The following TRPC7 variants were observed in gnomAD, a reference collection of about 807,000 sequenced individuals.
The protein encoded by TRPC7 is short transient receptor potential channel 7.
In TRPC7, 42 loss-of-function variants were observed where a neutral mutation model predicts 90.1. The observed-to-expected ratio is 0.47, with a 90% CI of 0.36 to 0.60. The LOEUF (loss-of-function observed/expected upper bound fraction) is 0.60, where lower values mean the gene tolerates loss of function less well. TRPC7 is among the 20% of genes least tolerant of loss of function. The pLI is 0.00. For missense variants in TRPC7, 955 were observed against 1,112.3 expected, an observed-to-expected ratio of 0.86 and a Z score of 2.01; for synonymous variants, 451 against 436.3, an observed-to-expected ratio of 1.03 and a Z score of -0.42.
chr5:136,356,727 C>T lies in TRPC7; in HGVS notation c.661G>A (p.Ala221Thr). Residue 221 changes from alanine (A) to threonine (T), a missense_variant, in exon 2 of 12, where the codon GCC becomes ACC. Transcript: ENST00000513104. ...SFSHSRSRMN[A>T]YKGLASAAYL... ...GCAGCACTCGCCAGTCCTTTGTAGG[C>T]GTTCATGCGCGAGCGCGAGTGGCTG... is the stretch of plus-strand genomic sequence containing the variant. 1 of 1,612,082 alleles carries T rather than the reference C, an allele frequency of 6.2e-7. No individual in the cohort carries two copies. The highest frequency in any genetic ancestry group is 8.5e-7 in the Non-Finnish European group (1 of 1,178,772).
chr5:136,308,803 C>A (rs1262583471), intron 3 of TRPC7, among the ~76,000 whole-genome samples: 1 of 152,202 alleles, frequency 6.6e-6, no homozygotes, highest in Non-Finnish European at 1.5e-5. Flanking sequence ...TCCCTGCAGG[C>A]CAGCAGACTG....
At chr5:136,301,461 A>G (rs1758383644) in intron 3 of TRPC7, among the ~76,000 whole-genome samples, 1 of 151,052 alleles carries the variant, frequency 6.6e-6, no homozygotes, top group African/African-American at 2.4e-5. Flanking sequence ...CTGAAGATCC[A>G]CAAAAGAAGT....
rs116498357 is a variant in TRPC7 at position 136,331,911 on chromosome 5, C to G, written c.781-16132G>C. Among the ~76,000 whole-genome samples the G allele has an allele frequency of 1.1e-3, 162 of 152,272 alleles. 1 individual carries two copies. The highest frequency in any genetic ancestry group is 2.0e-3 in the Non-Finnish European group (137 of 68,004). On this transcript the variant is annotated intron_variant, in intron 2 of 11. Transcript: ENST00000513104. ...CAACCATGAGCAGAATGGACAGTCC[C>G]TACTCTCATGGAGCTTATATTTTAT... is the stretch of plus-strand genomic sequence containing the variant.
intron 3 of TRPC7, among the ~76,000 whole-genome samples, chr5:136,283,136 C>A (rs767333784): frequency 2.6e-5 from 4 of 152,196 alleles, no homozygotes; most frequent in Non-Finnish European, 5.9e-5. Context: ...AGTTTTCTGC[C>A]CTCTGCTGTG....
rs904841475 is a variant in TRPC7, at chr5:136,213,275, G to A, written c.*160C>T. On this transcript the variant is annotated 3_prime_UTR_variant, in exon 12 of 12. Coordinates refer to ENST00000513104, the MANE Select transcript of TRPC7 (RefSeq NM_020389.3). ...CAGTTCTGGGTCTAGGCAGGCCAGCGGGCTGGAGATGTCAGTCATGCTGCA... is the reference window on the plus strand; with the variant it reads ...CAGTTCTGGGTCTAGGCAGGCCAGCAGGCTGGAGATGTCAGTCATGCTGCA... 20 of 728,770 alleles carry A rather than the reference G, an allele frequency of 2.7e-5. No homozygotes were observed. Among genetic ancestry groups the A allele is most frequent in the African/African-American group, 8.9e-5 (5 of 55,984 alleles). The allele number at this position is 728,770 out of a possible 1,614,324, so 45.1% of individuals were successfully genotyped here. A position where few individuals can be genotyped will look rare whatever the true frequency, so the allele number is the denominator to read the frequency against.
Position 136,215,489 on chromosome 5 carries a change from A to AT in TRPC7, c.2419+710dup, listed in dbSNP as rs201774914. 7.1e-3 allele frequency among the ~76,000 whole-genome samples: 1,075 copies of AT among 152,238 alleles called. 17 individuals are homozygous for AT. Among genetic ancestry groups the AT allele is most frequent in the African/African-American group, 0.025 (1,025 of 41,550 alleles). On this transcript the variant is annotated intron_variant, in intron 11 of 11. Coordinates refer to ENST00000513104, the MANE Select transcript of TRPC7 (RefSeq NM_020389.3). ...CCTTAACAGAAGGAGATTATTCTGG[A>AT]TTGTCCTGGTGGAACCAATTCAATC...
intron 10 of TRPC7, among the ~76,000 whole-genome samples, chr5:136,221,133 G>A (rs1755449518): frequency 6.6e-6 from 1 of 151,868 alleles, no homozygotes; most frequent in African/African-American, 2.4e-5. Flanking sequence ...GTGTGTGTGT[G>A]TGTATGTTTT....
intron 10 of TRPC7, among the ~76,000 whole-genome samples, chr5:136,216,854 G>T (rs1431338497): frequency 6.6e-6 from 1 of 152,190 alleles, no homozygotes; most frequent in South Asian, 2.1e-4. Context: ...GGGCCTCTGG[G>T]GTTTTACAGA....
chr5:136,259,364 A>C (rs1310316762), intron 5 of TRPC7, among the ~76,000 whole-genome samples: 1 of 152,230 alleles, frequency 6.6e-6, no homozygotes, highest in Non-Finnish European at 1.5e-5. Flanking sequence ...CCCACTTAAC[A>C]GACATTGTTG....
chr5:136,306,417 C>T (rs1049664158), intron 3 of TRPC7, among the ~76,000 whole-genome samples: 8 of 152,332 alleles, frequency 5.3e-5, no homozygotes, highest in Middle Eastern at 3.4e-3. Flanking sequence ...ATCTCTCCCA[C>T]TTTAGTTGCC....
At chr5:136,227,525 G>T (rs1160359962) in intron 8 of TRPC7, among the ~76,000 whole-genome samples, 1 of 152,094 alleles carries the variant, frequency 6.6e-6, no homozygotes, top group Non-Finnish European at 1.5e-5. Flanking sequence ...GTTATAATCA[G>T]CAGGGTTGAC....
chr5:136,279,216 A>G (rs1366926560), intron 3 of TRPC7, among the ~76,000 whole-genome samples: 3 of 152,112 alleles, frequency 2.0e-5, no homozygotes, highest in Admixed American at 6.5e-5. Context: ...CTAGACCAAG[A>G]GAGATTACTT....
Position 136,356,735 on chromosome 5 carries a change from C to T in TRPC7, c.653G>A (p.Arg218His), listed in dbSNP as rs1429016496. The stretch of plus-strand genomic sequence containing the variant: ...CGCCAGTCCTTTGTAGGCGTTCATG[C>T]GCGAGCGCGAGTGGCTGAAGGAGTC... ...RKDSFSHSRS[R>H]MNAYKGLASA... is the part of the protein sequence containing the mutation. The change falls in exon 2 of 12, where the codon CGC becomes CAC. Residue 218 changes from arginine (R) to histidine (H), a missense_variant. Arg to His is a conservative substitution (Grantham distance 29, BLOSUM62 0). Around this residue, in one of 4 missense-constraint regions of TRPC7, gnomAD observed 484 missense variants for 509.6 expected, o/e 0.95. Transcript: ENST00000513104. 3 of 1,612,200 alleles carry T rather than the reference C, an allele frequency of 1.9e-6. No homozygotes were observed. The highest frequency in any genetic ancestry group is 1.7e-5 in the Admixed American group (1 of 59,828).
At chr5:136,295,909 G>A (rs150394421) in intron 3 of TRPC7, among the ~76,000 whole-genome samples, 7 of 152,212 alleles carry the variant, frequency 4.6e-5, no homozygotes, top group African/African-American at 1.4e-4. Context: ...CACCTCTAAC[G>A]GTATTTTAGC....
intron 3 of TRPC7, among the ~76,000 whole-genome samples, chr5:136,276,757 C>T: frequency 6.6e-6 from 1 of 152,204 alleles, no homozygotes; most frequent in East Asian, 1.9e-4. Flanking sequence ...GGCTGCAGGT[C>T]ATAAGACATC....
At chr5:136,276,668 G>A (rs1757376070) in intron 3 of TRPC7, among the ~76,000 whole-genome samples, 1 of 151,996 alleles carries the variant, frequency 6.6e-6, no homozygotes, top group Admixed American at 6.5e-5. Context: ...AGCATTACTG[G>A]CTTTTCTTTG....
intron 2 of TRPC7, among the ~76,000 whole-genome samples, chr5:136,329,772 C>T (rs553748615): frequency 6.6e-6 from 1 of 152,314 alleles, no homozygotes; most frequent in East Asian, 1.9e-4. Context: ...TGTGCACTCT[C>T]TGCACATCCT....
chr5:136,340,016 C>T lies in TRPC7; in HGVS notation c.780+16592G>A, dbSNP rs562590877. ...AGTCAGTACATCAAAGAGAAATCTG[C>T]ACTCCCATGTTAATTGCAGTATTAT... On this transcript the variant is annotated intron_variant, in intron 2 of 11. Coordinates refer to ENST00000513104, the MANE Select transcript of TRPC7 (RefSeq NM_020389.3). Among the ~76,000 whole-genome samples, 41 of 152,176 alleles carry T rather than the reference C, an allele frequency of 2.7e-4. No homozygotes were observed. In the South Asian group the frequency reaches 7.3e-3, roughly 27 times the overall value.
intron 3 of TRPC7, among the ~76,000 whole-genome samples, chr5:136,306,548 A>G (rs1359483274): frequency 6.6e-6 from 1 of 152,178 alleles, no homozygotes; most frequent in Admixed American, 6.5e-5. Context: ...TCTTATTAAT[A>G]TAAGAAAGCA....
Sources: gnomAD v4.1 joint callset for allele counts (sites outside exome capture counted in the v4.1 genomes callset) on GRCh38, gnomAD v4.1.1 for gene constraint, gnomAD v4.1.1 regional missense constraint, MANE v1.5 for transcripts, NCBI Gene and HGNC (gene_info 2026-07-23, HGNC 2026-07-21) for gene names.